The following DARS2 variants were observed in gnomAD, a reference collection of about 807,000 sequenced individuals.
DARS2 encodes the protein aspartate--tRNA ligase, mitochondrial.
Under a neutral mutation model 83.0 loss-of-function variants are expected in DARS2, and 63 were observed. That is an observed-to-expected ratio of 0.76 (90% CI 0.62 to 0.94). The LOEUF is 0.94. DARS2 is among the 40% of genes least tolerant of loss of function. The pLI is 0.00. For missense variants in DARS2, 675 were observed against 774.4 expected (o/e 0.87, Z 1.52); for synonymous variants, 250 against 269.3 (o/e 0.93, Z 0.70).
chr1:173,834,328 C>T, intron 6 of DARS2, 145 bp from the exon 7 acceptor site: 1 of 649,326 alleles, frequency 1.5e-6, no homozygotes, highest in Non-Finnish European at 2.8e-6. Context: ...TTTGTAGAAA[C>T]CAGCACCAGT....
At position 173,834,605 on chromosome 1, in the gene DARS2, A is replaced by G. The variant is rs188636889; in HGVS notation, c.663+86A>G. The G allele has an allele frequency of 4.7e-4, 454 of 958,814 alleles. 2 individuals are homozygous for G. Among genetic ancestry groups the G allele is most frequent in the Admixed American group, 6.7e-4 (39 of 57,986 alleles). The allele number at this position is 958,814 out of a possible 1,614,324, so 59.4% of individuals were successfully genotyped here. On this transcript the variant is annotated intron_variant, in intron 7 of 16. Coordinates refer to ENST00000649689, the MANE Select transcript of DARS2 (RefSeq NM_018122.5). ...CTTTGCTTTTATATTCACTTGGTCC[A>G]CTTTTATTTACTGCCTCAGGATGGT...
At chr1:173,855,107 T>C (rs939559603) in intron 15 of DARS2, among the ~76,000 whole-genome samples, 19 of 73,098 alleles carry the variant, frequency 2.6e-4, no homozygotes, top group African/African-American at 1.3e-3. Context: ...TCTGTTAACT[T>C]TTTTTTTTTT....
intron 2 of DARS2, among the ~76,000 whole-genome samples, chr1:173,827,556 A>G (rs1310923705): frequency 6.6e-6 from 1 of 152,088 alleles, no homozygotes; most frequent in Non-Finnish European, 1.5e-5. Context: ...GCTTGAACCC[A>G]GAAGGCAGAG....
At chr1:173,830,530 A>G in intron 3 of DARS2, 130 bp from the exon 4 acceptor site, 1 of 762,096 alleles carries the variant, frequency 1.3e-6, no homozygotes, top group Non-Finnish European at 2.3e-6. Flanking sequence ...AAAGTCATTA[A>G]GGAGCAGCCC....
In DARS2 at chr1:173,857,933, T is replaced by C. The variant is rs1205593670; in HGVS notation, c.*228T>C. ...TTTTTGGTTAGGACTTTTTTTGAAGTTCCTTTTTACTTAGGTGTGAAAGAT... is the reference window on the plus strand; with the variant it reads ...TTTTTGGTTAGGACTTTTTTTGAAGCTCCTTTTTACTTAGGTGTGAAAGAT... On this transcript the variant is annotated 3_prime_UTR_variant, in exon 17 of 17. Transcript: ENST00000649689. 3.7e-6 allele frequency: 2 copies of C among 546,650 alleles called. No homozygotes were observed. Among genetic ancestry groups the C allele is most frequent in the Non-Finnish European group, 6.5e-6 (2 of 305,478 alleles). The allele number at this position is 546,650 out of a possible 1,614,324, so 33.9% of individuals were successfully genotyped here.
At chr1:173,827,544 T>C (rs919769124) in intron 2 of DARS2, among the ~76,000 whole-genome samples, 2 of 152,062 alleles carry the variant, frequency 1.3e-5, no homozygotes, top group African/African-American at 4.8e-5. Flanking sequence ...GGAAGGAGAA[T>C]TGCTTGAACC....
chr1:173,850,297 A>C, intron 12 of DARS2, 30 bp from the exon 13 acceptor site: 1 of 1,577,624 alleles, frequency 6.3e-7, no homozygotes, highest in Non-Finnish European at 8.6e-7. Flanking sequence ...AAAAAAAAAA[A>C]ACGTGAATAA....
intron 1 of DARS2, 59 bp from the exon 2 acceptor site, chr1:173,826,628 G>T (rs1258206754): frequency 7.9e-7 from 1 of 1,269,140 alleles, no homozygotes; most frequent in Non-Finnish European, 1.1e-6. Context: ...TAAGCAACCT[G>T]CAAGTGATGT....
chr1:173,856,682 T>C lies in DARS2; in HGVS notation c.1691T>C (p.Leu564Pro), dbSNP rs759426018. ...ATLLKEDVKM[L>P]SHLLQALDYG... ...GAATTTCAGGAGGATGTGAAAATGC[T>C]CTCCCATCTGCTCCAGGCTTTAGAT... The change falls in exon 16 of 17, where the codon CTC becomes CCC. Residue 564 changes from leucine to proline, a missense_variant. Physicochemically the swap from Leu to Pro is moderately conservative, Grantham distance 98. Coordinates refer to ENST00000649689, the MANE Select transcript of DARS2 (RefSeq NM_018122.5). The C allele has an allele frequency of 2.5e-6, 4 of 1,614,008 alleles. No homozygotes were observed. Among genetic ancestry groups the C allele is most frequent in the Non-Finnish European group, 3.4e-6 (4 of 1,179,944 alleles).
At chr1:173,833,527 G>C (rs764292259) in intron 6 of DARS2, 28 bp downstream of exon 6, 2 of 1,613,884 alleles carry the variant, frequency 1.2e-6, no homozygotes, top group East Asian at 2.2e-5. Context: ...ATGCTCTTTG[G>C]AGCTTTGTAG....
At chr1:173,847,001 A>G (rs961349932) in intron 12 of DARS2, among the ~76,000 whole-genome samples, 6 of 152,176 alleles carry the variant, frequency 3.9e-5, no homozygotes, top group African/African-American at 1.2e-4. Context: ...GATTATAACC[A>G]TGTAAAAACA....
intron 11 of DARS2, among the ~76,000 whole-genome samples, chr1:173,843,465 C>T (rs1653308593): frequency 6.6e-6 from 1 of 152,116 alleles, no homozygotes; most frequent in African/African-American, 2.4e-5. Context: ...GAGGCTGAGG[C>T]AGAAGAATCG....
In DARS2 at chr1:173,833,497, A is replaced by G. The variant is rs776568666; in HGVS notation, c.614A>G (p.His205Arg). 1.7e-5 allele frequency: 28 copies of G among 1,614,134 alleles called. No individual in the cohort carries two copies. In the South Asian group the frequency reaches 3.0e-4, roughly 17 times the overall value. Residue 205 changes from histidine to arginine, a missense_variant and splice_region_variant, in exon 6 of 17, where the codon CAT becomes CGT. Transcript: ENST00000649689. ...MKMREYLCNL[H>R]GFVDIETPTL... ...ATGCGGGAATATCTCTGTAATCTGCATGGTAAGAGAAATGCCTGGATGCTC... is the reference window on the plus strand; with the variant it reads ...ATGCGGGAATATCTCTGTAATCTGCGTGGTAAGAGAAATGCCTGGATGCTC...
rs1209554366 is a variant in DARS2, at chr1:173,845,296, G to C, written c.1191+5G>C. ...GCAGCTGACCATTTTAATCAGGTAA[G>C]GAGTTAATTAGAGCAGTTTTTTTCC... On this transcript the variant is annotated splice_donor_5th_base_variant and intron_variant, in intron 12 of 16. Coordinates refer to ENST00000649689, the MANE Select transcript of DARS2 (RefSeq NM_018122.5). 6.2e-7 allele frequency: 1 copy of C among 1,604,934 alleles called. No homozygotes were observed. Among genetic ancestry groups the C allele is most frequent in the African/African-American group, 1.3e-5 (1 of 74,826 alleles).
At chr1:173,844,259 C>T (rs1653335718) in intron 11 of DARS2, among the ~76,000 whole-genome samples, 1 of 152,062 alleles carries the variant, frequency 6.6e-6, no homozygotes, top group Non-Finnish European at 1.5e-5. Flanking sequence ...ATTCTGAATC[C>T]TTTTATTGAT....
intron 15 of DARS2, among the ~76,000 whole-genome samples, chr1:173,854,618 G>A (rs1023372545): frequency 1.3e-5 from 2 of 152,078 alleles, no homozygotes; most frequent in Non-Finnish European, 2.9e-5. Context: ...TTGAATCCAG[G>A]TGAGGTGGCT....
chr1:173,834,724 GTTTTTTTGTTT>G (rs1307048136), intron 7 of DARS2, among the ~76,000 whole-genome samples: 1 of 14,770 alleles, frequency 6.8e-5, no homozygotes, highest in African/African-American at 2.6e-4. Flanking sequence ...TTTCCTTTGA[GTTTTTTTGTTT>G]TTTTTTTTTT....
intron 11 of DARS2, among the ~76,000 whole-genome samples, chr1:173,842,643 T>C (rs1653273674): frequency 6.6e-6 from 1 of 150,924 alleles, no homozygotes; most frequent in Middle Eastern, 3.2e-3. Context: ...CAGTAAAAAG[T>C]AATTTATTGT....
Position 173,825,004 on chromosome 1 carries a change from G to GCC in DARS2, c.-226_-225insCC, listed in dbSNP as rs1652415702. Reference sequence around the variant, plus strand: ...ACTGATGCTTTAAGACTCAGGGAGAGGTCTTTCCCTTATCTCCACCCCAGC... The same window carrying GCC: ...ACTGATGCTTTAAGACTCAGGGAGAGCCGTCTTTCCCTTATCTCCACCCCAGC... On this transcript the variant is annotated 5_prime_UTR_variant, in exon 1 of 17. Transcript: ENST00000649689. The GCC allele has an allele frequency of 1.5e-5, 7 of 476,128 alleles. No homozygotes were observed. Among genetic ancestry groups the GCC allele is most frequent in the African/African-American group, 1.2e-4 (6 of 50,212 alleles). The allele number at this position is 476,128 out of a possible 1,614,324, so 29.5% of individuals were successfully genotyped here.
Sources: allele counts gnomAD v4.1 joint callset (sites outside exome capture counted in the v4.1 genomes callset), GRCh38; gene constraint gnomAD v4.1.1; transcripts MANE v1.5; gene names NCBI Gene and HGNC (gene_info 2026-07-23, HGNC 2026-07-21).